Variants in TECRL observed in about 807,000 individuals in gnomAD.
The protein encoded by TECRL is trans-2,3-enoyl-CoA reductase like, also known as trans-2,3-enoyl-CoA reductase-like.
Under a neutral mutation model 52.8 loss-of-function variants are expected in TECRL, and 63 were observed. That is an observed-to-expected ratio of 1.19 (90% CI 0.97 to 1.47). TECRL has a LOEUF of 1.47. Ranked by LOEUF, TECRL falls within the 40% of genes most tolerant of loss-of-function variation. The pLI is 0.00. For synonymous variants in TECRL, 164 were observed against 141.9 expected (o/e 1.16, Z -1.10); for missense variants, 482 against 429.6 (o/e 1.12, Z -1.08).
intron 9 of TECRL, among the ~76,000 whole-genome samples, chr4:64,287,912 C>G (rs970322643): frequency 6.6e-6 from 1 of 151,884 alleles, no homozygotes; most frequent in East Asian, 1.9e-4. Flanking sequence ...TTTGGGAGGC[C>G]GAGGCAGGCA....
At chr4:64,353,493 CTG>C (rs1334735715) in intron 2 of TECRL, among the ~76,000 whole-genome samples, 4 of 152,046 alleles carry the variant, frequency 2.6e-5, no homozygotes, top group African/African-American at 9.7e-5. Context: ...AGTTGATAAA[CTG>C]AGTGGATAAT....
chr4:64,310,061 C>T, intron 5 of TECRL, 130 bp from the exon 6 acceptor site: 1 of 549,520 alleles, frequency 1.8e-6, no homozygotes, highest in South Asian at 2.6e-5. Context: ...GTAGCTAAAA[C>T]ACAAATACTT....
intron 5 of TECRL, among the ~76,000 whole-genome samples, chr4:64,314,395 T>G (rs940425285): frequency 1.3e-5 from 2 of 152,194 alleles, no homozygotes; most frequent in Non-Finnish European, 2.9e-5. Context: ...ACAGCTGTGA[T>G]CATTGGTAAA....
At chr4:64,336,878 T>G (rs1577893907) in intron 2 of TECRL, among the ~76,000 whole-genome samples, 1 of 152,304 alleles carries the variant, frequency 6.6e-6, no homozygotes, top group South Asian at 2.1e-4. Context: ...AGAGACAGTT[T>G]GTTATAATTT....
chr4:64,333,569 C>A (rs1718803816), intron 2 of TECRL, among the ~76,000 whole-genome samples: 1 of 152,080 alleles, frequency 6.6e-6, no homozygotes, highest in Non-Finnish European at 1.5e-5. Context: ...AATGTATGTG[C>A]ATATGCAAAA....
At chr4:64,317,053 C>A (rs1001626354) in intron 4 of TECRL, among the ~76,000 whole-genome samples, 1 of 151,936 alleles carries the variant, frequency 6.6e-6, no homozygotes, top group Non-Finnish European at 1.5e-5. Flanking sequence ...CCGAGGCGGG[C>A]GGATGACAAG....
chr4:64,364,724 G>A (rs1019164254), intron 2 of TECRL, among the ~76,000 whole-genome samples: 3 of 151,986 alleles, frequency 2.0e-5, no homozygotes, highest in South Asian at 2.1e-4. Context: ...TTGAAATCCT[G>A]TACAGACCAA....
intron 2 of TECRL, among the ~76,000 whole-genome samples, chr4:64,349,968 A>T (rs565362931): frequency 6.6e-6 from 1 of 152,226 alleles, no homozygotes; most frequent in Non-Finnish European, 1.5e-5. Flanking sequence ...TAATAAATGC[A>T]CTGCTTATGA....
At position 64,338,621 on chromosome 4, in the gene TECRL, A is replaced by G. The variant is rs142791798; in HGVS notation, c.287-10065T>C. On this transcript the variant is annotated intron_variant, in intron 2 of 11. Transcript: ENST00000381210. Reference sequence around the variant, plus strand: ...AACAACCCCATCAAAAAGTGGGCAAAGGATATGAACAGATACTTCTCAAAA... The same window carrying G: ...AACAACCCCATCAAAAAGTGGGCAAGGGATATGAACAGATACTTCTCAAAA... 5.5e-3 allele frequency among the ~76,000 whole-genome samples: 832 copies of G among 152,354 alleles called. 9 individuals are homozygous for G. The highest frequency in any genetic ancestry group is 0.018 in the African/African-American group (757 of 41,582).
intron 5 of TECRL, among the ~76,000 whole-genome samples, chr4:64,313,977 C>CAAAAAAAAAAAAAAAAAA (rs752037972): frequency 3.2e-5 from 2 of 61,962 alleles, no homozygotes; most frequent in Admixed American, 1.8e-4. Context: ...ACTAAAAATA[C>CAAAAAAAAAAAAAAAAAA]AAAAAAAAAA....
In TECRL at chr4:64,403,873, C is replaced by CA. The variant is rs67265016; in HGVS notation, c.234+5244dup. Among the ~76,000 whole-genome samples the CA allele has an allele frequency of 4.3e-3, 635 of 146,982 alleles. 1 individual carries two copies. Among genetic ancestry groups the CA allele is most frequent in the African/African-American group, 0.015 (584 of 39,310 alleles). ...AGAGAAGGAAAAATGAAAAGAAAGA[C>CA]AAAAAAAAAAAGATACTGTCATTTG... is the stretch of plus-strand genomic sequence containing the variant. On this transcript the variant is annotated intron_variant, in intron 1 of 11. Coordinates refer to ENST00000381210, the MANE Select transcript of TECRL (RefSeq NM_001010874.5).
chr4:64,347,448 C>T (rs1410538673), intron 2 of TECRL, among the ~76,000 whole-genome samples: 2 of 152,100 alleles, frequency 1.3e-5, no homozygotes, highest in Non-Finnish European at 2.9e-5. Context: ...TTATAACTTC[C>T]TGTATTAGTT....
At chr4:64,338,904 A>G (rs1280049553) in intron 2 of TECRL, among the ~76,000 whole-genome samples, 1 of 152,122 alleles carries the variant, frequency 6.6e-6, no homozygotes, top group African/African-American at 2.4e-5. Flanking sequence ...AACTAGAAAT[A>G]CCATTTGACC....
intron 7 of TECRL, among the ~76,000 whole-genome samples, chr4:64,304,578 T>C (rs1197507345): frequency 2.0e-5 from 3 of 152,050 alleles, no homozygotes; most frequent in African/African-American, 7.2e-5. Flanking sequence ...TGTGCTACAG[T>C]AAGAGCTGAA....
intron 1 of TECRL, among the ~76,000 whole-genome samples, chr4:64,386,899 C>T (rs1269742335): frequency 6.6e-6 from 1 of 152,118 alleles, no homozygotes; most frequent in Non-Finnish European, 1.5e-5. Context: ...CAGTATGGTA[C>T]ATTTTTTACA....
At chr4:64,381,899 G>A (rs1722818942) in intron 1 of TECRL, among the ~76,000 whole-genome samples, 1 of 151,932 alleles carries the variant, frequency 6.6e-6, no homozygotes. Flanking sequence ...GTGTGTGGGG[G>A]GATGTGTGCA....
chr4:64,327,068 G>C (rs1437543427), intron 3 of TECRL, among the ~76,000 whole-genome samples: 1 of 151,872 alleles, frequency 6.6e-6, no homozygotes, highest in Non-Finnish European at 1.5e-5. Context: ...GGTTTTTTTA[G>C]TTCTGCCATA....
intron 5 of TECRL, among the ~76,000 whole-genome samples, chr4:64,312,016 G>A (rs1717041875): frequency 6.6e-6 from 1 of 152,194 alleles, no homozygotes; most frequent in Non-Finnish European, 1.5e-5. Context: ...AGGTTCATAA[G>A]ATACTTGACG....
intron 1 of TECRL, among the ~76,000 whole-genome samples, chr4:64,376,822 G>A (rs572879261): frequency 1.8e-3 from 274 of 152,096 alleles, no homozygotes; most frequent in African/African-American, 6.3e-3. Context: ...ATATGGAGCT[G>A]AGGATAATGA....
Sources: allele counts gnomAD v4.1 joint callset (sites outside exome capture counted in the v4.1 genomes callset), GRCh38; gene constraint gnomAD v4.1.1; transcripts MANE v1.5; gene names NCBI Gene and HGNC (gene_info 2026-07-23, HGNC 2026-07-21).